GDPD4: variants seen among roughly 807,000 people sequenced by gnomAD.
The protein encoded by GDPD4 is glycerophosphodiester phosphodiesterase 6.
A neutral mutation model predicts 67.8 loss-of-function variants in GDPD4; 60 were observed. The ratio of observed to expected loss-of-function variants is 0.88; its 90% confidence interval spans 0.72 to 1.10. GDPD4 has a LOEUF of 1.10. Ranked by LOEUF, GDPD4 falls within the 50% of genes least tolerant of loss-of-function variation. GDPD4 has a pLI of 0.00. For synonymous variants in GDPD4, 212 were observed against 210.9 expected (o/e 1.00, Z -0.04); for missense variants, 623 against 613.9 (o/e 1.01, Z -0.16).
intron 10 of GDPD4, among the ~76,000 whole-genome samples, chr11:77,261,805 A>C (rs1959124228): frequency 6.6e-6 from 1 of 152,160 alleles, no homozygotes; most frequent in South Asian, 2.1e-4. Flanking sequence ...GAAGCTTCAG[A>C]TGGGGATGTT....
At chr11:77,292,394 C>G (rs552560000) in intron 1 of GDPD4, among the ~76,000 whole-genome samples, 1 of 151,874 alleles carries the variant, frequency 6.6e-6, no homozygotes, top group Admixed American at 6.6e-5. Flanking sequence ...AAATTAAAAC[C>G]TTTTGAACTG....
At chr11:77,263,219 T>C (rs1959154308) in intron 10 of GDPD4, among the ~76,000 whole-genome samples, 1 of 152,050 alleles carries the variant, frequency 6.6e-6, no homozygotes, top group South Asian at 2.1e-4. Flanking sequence ...CGTGAGTAAA[T>C]ATAGAAACTT....
intron 13 of GDPD4, among the ~76,000 whole-genome samples, chr11:77,242,666 T>G (rs2135841968): frequency 6.6e-6 from 1 of 151,852 alleles, no homozygotes; most frequent in Non-Finnish European, 1.5e-5. Flanking sequence ...GAGAAGGAAA[T>G]CATTCTAGAG....
intron 11 of GDPD4, among the ~76,000 whole-genome samples, chr11:77,251,450 C>T (rs1171347828): frequency 1.3e-5 from 2 of 152,128 alleles, no homozygotes; most frequent in Non-Finnish European, 2.9e-5. Context: ...GGAAAGACTT[C>T]CTCCCTCATT....
intron 16 of GDPD4, among the ~76,000 whole-genome samples, chr11:77,217,980 T>TTTTA (rs1407991342): frequency 3.3e-5 from 5 of 151,356 alleles, no homozygotes; most frequent in Non-Finnish European, 1.5e-5. Flanking sequence ...TAGATTTACC[T>TTTTA]TTTATTTTTA....
intron 16 of GDPD4, among the ~76,000 whole-genome samples, chr11:77,225,141 T>C (rs1393786385): frequency 1.3e-5 from 2 of 151,740 alleles, no homozygotes; most frequent in Non-Finnish European, 2.9e-5. Flanking sequence ...AACACAGCAA[T>C]AGAATCTATC....
Position 77,279,425 on chromosome 11 carries a change from T to C in GDPD4, c.54-26A>G, listed in dbSNP as rs201716862. 37 of 1,408,818 alleles carry C rather than the reference T, an allele frequency of 2.6e-5. No individual in the cohort carries two copies. In the Admixed American group the frequency reaches 3.4e-4, roughly 13 times the overall value. 87.3% of individuals were successfully genotyped at this position (1,408,818 alleles called of 1,614,324 possible). The stretch of plus-strand genomic sequence containing the variant: ...CTGAAAAAAAATGTGTTTCAGTTCT[T>C]AAAATAATGCAGAAATCAGTAGCAT... On this transcript the variant is annotated intron_variant, in intron 3 of 16. Transcript: ENST00000315938.
chr11:77,269,324 T>A (rs1249351766), intron 8 of GDPD4, among the ~76,000 whole-genome samples: 1 of 152,156 alleles, frequency 6.6e-6, no homozygotes, highest in Non-Finnish European at 1.5e-5. Context: ...GACAGAGGGC[T>A]CAACTGTACA....
chr11:77,296,140 A>G (rs1379738114), intron 1 of GDPD4, among the ~76,000 whole-genome samples: 5 of 150,632 alleles, frequency 3.3e-5, no homozygotes, highest in South Asian at 2.1e-4. Flanking sequence ...AGTCCCAGCT[A>G]CTCAGGAGGC....
intron 11 of GDPD4, among the ~76,000 whole-genome samples, chr11:77,250,553 TTTG>T (rs1958871090): frequency 6.6e-6 from 1 of 152,216 alleles, no homozygotes; most frequent in African/African-American, 2.4e-5. Flanking sequence ...TTATTTTAAA[TTTG>T]TTGAGATTTG....
chr11:77,240,447 A>T (rs2135839449), intron 13 of GDPD4, among the ~76,000 whole-genome samples: 1 of 152,350 alleles, frequency 6.6e-6, no homozygotes, highest in South Asian at 2.1e-4. Context: ...CAGAAGAATG[A>T]AATTAGGCCC....
intron 15 of GDPD4, 127 bp from the exon 16 acceptor site, chr11:77,228,043 C>A: frequency 5.4e-6 from 4 of 734,216 alleles, no homozygotes; most frequent in South Asian, 3.0e-5. Flanking sequence ...CATTTGCCTG[C>A]AAGGATTCCC....
At chr11:77,255,314 C>A (rs763642274) in intron 11 of GDPD4, among the ~76,000 whole-genome samples, 16 of 152,178 alleles carry the variant, frequency 1.1e-4, no homozygotes, top group South Asian at 4.1e-4. Context: ...CATCTGTAAT[C>A]CCAGCACTTT....
intron 11 of GDPD4, among the ~76,000 whole-genome samples, chr11:77,257,522 CTT>C (rs977141226): frequency 1.9e-4 from 29 of 149,180 alleles, no homozygotes; most frequent in Admixed American, 5.4e-4. Flanking sequence ...TCCTTCCTCT[CTT>C]CTTTCCTCTA....
rs113825047 is a variant in GDPD4 at position 77,250,775 on chromosome 11, G to A, written c.865-5273C>T. The stretch of plus-strand genomic sequence containing the variant: ...TGTTAAAGTCACCAACATTTACTGT[G>A]TTGGAATCTTTCTCCCCCTTTAAAT... On this transcript the variant is annotated intron_variant, in intron 11 of 16. Coordinates refer to ENST00000315938, the MANE Select transcript of GDPD4 (RefSeq NM_182833.3). Among the ~76,000 whole-genome samples, 510 of 152,212 alleles carry A rather than the reference G, an allele frequency of 3.4e-3. 1 individual carries two copies. Among genetic ancestry groups the A allele is most frequent in the African/African-American group, 0.011 (474 of 41,528 alleles).
chr11:77,219,969 G>C (rs1163845887), intron 16 of GDPD4, among the ~76,000 whole-genome samples: 4 of 152,086 alleles, frequency 2.6e-5, no homozygotes, highest in African/African-American at 9.7e-5. Context: ...ATGCTTGTGA[G>C]TTTTGCACAT....
intron 13 of GDPD4, among the ~76,000 whole-genome samples, chr11:77,238,504 A>C (rs1958603519): frequency 2.0e-5 from 3 of 151,756 alleles, no homozygotes; most frequent in African/African-American, 7.3e-5. Context: ...GAATCACTTG[A>C]ACCTGGGAGG....
chr11:77,244,248 T>C (rs2135843859), intron 12 of GDPD4, among the ~76,000 whole-genome samples: 1 of 152,286 alleles, frequency 6.6e-6, no homozygotes. Context: ...TTAGCCAGGA[T>C]GGTCTCGATC....
chr11:77,260,059 G>A (rs1329651756), intron 10 of GDPD4, among the ~76,000 whole-genome samples: 3 of 152,094 alleles, frequency 2.0e-5, no homozygotes, highest in Non-Finnish European at 4.4e-5. Flanking sequence ...GGTGGCTCAC[G>A]CCTGTAATCC....
Sources: gnomAD v4.1 joint callset for allele counts (sites outside exome capture counted in the v4.1 genomes callset) on GRCh38, gnomAD v4.1.1 for gene constraint, MANE v1.5 for transcripts, NCBI Gene and HGNC (gene_info 2026-07-23, HGNC 2026-07-21) for gene names.